The following DPYSL5 variants were observed in gnomAD, a reference collection of about 807,000 sequenced individuals.
DPYSL5 encodes the protein dihydropyrimidinase-related protein 5.
Under a neutral mutation model 58.4 loss-of-function variants are expected in DPYSL5, and 9 were observed. The observed-to-expected ratio is 0.15, with a 90% CI of 0.09 to 0.27. The LOEUF (loss-of-function observed/expected upper bound fraction) is 0.27, where lower values mean the gene tolerates loss of function less well. DPYSL5 is among the 10% of genes least tolerant of loss of function. DPYSL5 has a pLI of 1.00. For missense variants in DPYSL5, 499 were observed against 770.6 expected (o/e 0.65, Z 4.17); for synonymous variants, 293 against 301.9 (o/e 0.97, Z 0.31).
At chr2:26,904,214 G>A (rs555766868) in intron 2 of DPYSL5, among the ~76,000 whole-genome samples, 1 of 152,286 alleles carries the variant, frequency 6.6e-6, no homozygotes, top group African/African-American at 2.4e-5. Context: ...GTAGGGCCCT[G>A]AGGTATGTGC....
At chr2:26,945,159 C>T (rs972666038) in intron 12 of DPYSL5, among the ~76,000 whole-genome samples, 2 of 152,040 alleles carry the variant, frequency 1.3e-5, no homozygotes, top group African/African-American at 2.4e-5. Flanking sequence ...GAAGAGTCAG[C>T]CCTGTCTGTG....
intron 1 of DPYSL5, among the ~76,000 whole-genome samples, chr2:26,876,961 C>CTTTTT (rs10707678): frequency 2.7e-5 from 3 of 112,268 alleles, no homozygotes; most frequent in African/African-American, 6.9e-5. Flanking sequence ...TCCACAGCCA[C>CTTTTT]TTTTTTTTTT....
At position 26,849,984 on chromosome 2, in the gene DPYSL5, C is replaced by T. The variant is rs1423146297; in HGVS notation, c.-5+1730C>T. ...GAGCTGCCGGGCGGCGACGCAGGTGCCAAAGACTGGAGGTCGCCTCGGTGC... is the reference window on the plus strand; with the variant it reads ...GAGCTGCCGGGCGGCGACGCAGGTGTCAAAGACTGGAGGTCGCCTCGGTGC... On this transcript the variant is annotated intron_variant, in intron 1 of 12. Transcript: ENST00000288699. The surrounding 1 kb of genome is among the most constrained non-coding windows in gnomAD (Gnocchi z 6.2). Among the ~76,000 whole-genome samples, 2 of 152,194 alleles carry T rather than the reference C, an allele frequency of 1.3e-5. No homozygotes were observed. Among genetic ancestry groups the T allele is most frequent in the African/African-American group, 4.8e-5 (2 of 41,460 alleles).
intron 1 of DPYSL5, among the ~76,000 whole-genome samples, chr2:26,885,043 TACAAAATC>T (rs1228777808): frequency 6.6e-6 from 1 of 151,764 alleles, no homozygotes; most frequent in African/African-American, 2.4e-5. Flanking sequence ...CTATTAAAAA[TACAAAATC>T]AGCTGGGCGT....
At chr2:26,932,163 G>GACAGAAAGAAAGAAAGAAAGA (rs1470321229) in intron 6 of DPYSL5, among the ~76,000 whole-genome samples, 1 of 60,876 alleles carries the variant, frequency 1.6e-5, no homozygotes, top group African/African-American at 6.0e-5. Flanking sequence ...AAGAAAGAAA[G>GACAGAAAGAAAGAAAGAAAGA]AAAGAAAGAA....
chr2:26,930,696 C>G (rs947510901), intron 5 of DPYSL5, among the ~76,000 whole-genome samples: 2 of 151,592 alleles, frequency 1.3e-5, no homozygotes, highest in Admixed American at 6.6e-5. Flanking sequence ...AAGCATGGGC[C>G]GGGCATGGTG....
intron 1 of DPYSL5, among the ~76,000 whole-genome samples, chr2:26,875,745 T>C (rs1013316399): frequency 6.6e-6 from 1 of 152,120 alleles, no homozygotes; most frequent in Admixed American, 6.5e-5. Flanking sequence ...ACCAAGGAGA[T>C]CTGGCCAGCC....
At chr2:26,858,362 G>A (rs1478606320) in intron 1 of DPYSL5, among the ~76,000 whole-genome samples, 1 of 151,798 alleles carries the variant, frequency 6.6e-6, no homozygotes, top group Admixed American at 6.6e-5. Context: ...TAGTAAAGAC[G>A]GAGTTTCACC....
intron 1 of DPYSL5, among the ~76,000 whole-genome samples, chr2:26,865,816 G>T (rs995817546): frequency 6.6e-6 from 1 of 152,162 alleles, no homozygotes; most frequent in Non-Finnish European, 1.5e-5. Context: ...CATTTACAGA[G>T]ACCTATGCCA....
intron 1 of DPYSL5, among the ~76,000 whole-genome samples, chr2:26,896,006 C>A (rs921007760): frequency 2.0e-5 from 3 of 151,916 alleles, no homozygotes; most frequent in African/African-American, 4.8e-5. Flanking sequence ...TCTTGAACTC[C>A]TGACCTCATG....
chr2:26,913,389 C>G (rs1432482782), intron 2 of DPYSL5, among the ~76,000 whole-genome samples: 1 of 152,176 alleles, frequency 6.6e-6, no homozygotes, highest in East Asian at 1.9e-4. Context: ...TGGATTGTTT[C>G]ACTTAGCATA....
intron 1 of DPYSL5, among the ~76,000 whole-genome samples, chr2:26,873,713 A>T (rs534468466): frequency 4.6e-4 from 70 of 152,198 alleles, no homozygotes; most frequent in Non-Finnish European, 9.1e-4. Context: ...ATGGTTGAAC[A>T]AATCAAAAGA....
intron 1 of DPYSL5, among the ~76,000 whole-genome samples, chr2:26,872,737 A>G (rs1663297778): frequency 6.6e-6 from 1 of 152,080 alleles, no homozygotes; most frequent in Non-Finnish European, 1.5e-5. Context: ...TGTTTACTCT[A>G]TATTAAAAAT....
intron 2 of DPYSL5, among the ~76,000 whole-genome samples, chr2:26,923,038 CT>C (rs889954356): frequency 3.3e-5 from 5 of 152,190 alleles, no homozygotes; most frequent in African/African-American, 9.7e-5. Context: ...GGCCACTGAG[CT>C]AATTTTTTTT....
At chr2:26,853,816 A>G (rs936570959) in intron 1 of DPYSL5, among the ~76,000 whole-genome samples, 1 of 152,044 alleles carries the variant, frequency 6.6e-6, no homozygotes, top group Non-Finnish European at 1.5e-5. Flanking sequence ...TCAAGGAAAA[A>G]TCTCCTTTCC....
At chr2:26,848,564 G>T (rs1665657583) in intron 1 of DPYSL5, 1 of 152,492 alleles carries the variant, frequency 6.6e-6, no homozygotes, top group South Asian at 2.1e-4. Context: ...CGGCCGAGGG[G>T]TTTCGCGCCT....
At chr2:26,946,268 T>C (rs1189772045) in intron 12 of DPYSL5, among the ~76,000 whole-genome samples, 2 of 152,120 alleles carry the variant, frequency 1.3e-5, no homozygotes, top group African/African-American at 4.8e-5. Context: ...GAACCCCCGC[T>C]CAGACAGCAA....
intron 1 of DPYSL5, among the ~76,000 whole-genome samples, chr2:26,853,656 C>T (rs1489768985): frequency 6.6e-6 from 1 of 152,128 alleles, no homozygotes; most frequent in Non-Finnish European, 1.5e-5. Context: ...GAGAGGCTGG[C>T]AAGTCCCATA....
rs750258283 is a variant in DPYSL5 at position 26,934,555 on chromosome 2, G to A, written c.791-23G>A. On this transcript the variant is annotated intron_variant, in intron 7 of 12. Coordinates refer to ENST00000288699, the MANE Select transcript of DPYSL5 (RefSeq NM_020134.4). The surrounding 1 kb of genome is among the most constrained non-coding windows in gnomAD (Gnocchi z 4.3). ...TCAGGTTCGGTGGCTTCCTGGTTAT[G>A]GTTCTGACCTTTCTTCTTCCAGGGA... 6.5e-5 allele frequency: 104 copies of A among 1,605,954 alleles called. No individual in the cohort carries two copies. Among genetic ancestry groups the A allele is most frequent in the Middle Eastern group, 2.2e-4 (1 of 4,556 alleles).
Sources: gnomAD v4.1 joint callset for allele counts (sites outside exome capture counted in the v4.1 genomes callset) on GRCh38, gnomAD v4.1.1 for gene constraint, Gnocchi (gnomAD v3.1) non-coding constraint, MANE v1.5 for transcripts, NCBI Gene and HGNC (gene_info 2026-07-23, HGNC 2026-07-21) for gene names.